AGBL1: variants seen among roughly 807,000 people sequenced by gnomAD.
The protein encoded by AGBL1 is cytosolic carboxypeptidase 4.
A neutral mutation model predicts 118.9 loss-of-function variants in AGBL1; 130 were observed. The ratio of observed to expected loss-of-function variants is 1.09; its 90% CI spans 0.95 to 1.26. The LOEUF (loss-of-function observed/expected upper bound fraction) is 1.26. AGBL1 is among the 50% of genes most tolerant of loss of function. AGBL1 has a pLI of 0.00. For missense variants in AGBL1, 1,584 were observed against 1,298.1 expected (o/e 1.22, Z -3.38); for synonymous variants, 555 against 478.9 (o/e 1.16, Z -2.08).
chr15:86,578,237 A>G (rs28815295), intron 21 of AGBL1, among the ~76,000 whole-genome samples: 1 of 152,202 alleles, frequency 6.6e-6, no homozygotes, highest in Admixed American at 6.5e-5. Flanking sequence ...GAGTCAAAGG[A>G]GATCATTTTG....
At chr15:86,337,331 T>C (rs1313538309) in intron 17 of AGBL1, among the ~76,000 whole-genome samples, 1 of 150,724 alleles carries the variant, frequency 6.6e-6, no homozygotes, top group East Asian at 1.9e-4. Context: ...TTTATATTAG[T>C]TCTAGAAAAG....
intron 1 of AGBL1, among the ~76,000 whole-genome samples, chr15:86,117,483 A>T (rs1897836911): frequency 6.6e-6 from 1 of 152,162 alleles, no homozygotes; most frequent in South Asian, 2.1e-4. Flanking sequence ...TGTAACTTCT[A>T]TGACCTAGAT....
At chr15:86,457,467 G>A (rs1210445329) in intron 18 of AGBL1, among the ~76,000 whole-genome samples, 1 of 152,196 alleles carries the variant, frequency 6.6e-6, no homozygotes, top group South Asian at 2.1e-4. Context: ...CAGGACATCC[G>A]GAGAATACTT....
At chr15:86,633,865 G>GTATATATATATATATAATGTA (rs199562622) in intron 21 of AGBL1, among the ~76,000 whole-genome samples, 1 of 102,940 alleles carries the variant, frequency 9.7e-6, no homozygotes, top group African/African-American at 4.2e-5. Flanking sequence ...TATATATAAT[G>GTATATATATATATATAATGTA]TATATATATA....
At chr15:86,425,562 G>C (rs2081856854) in intron 18 of AGBL1, among the ~76,000 whole-genome samples, 1 of 151,962 alleles carries the variant, frequency 6.6e-6, no homozygotes, top group Non-Finnish European at 1.5e-5. Flanking sequence ...CAAAATTCCA[G>C]ACTATTAATA....
At chr15:86,588,688 C>T (rs191023245) in intron 21 of AGBL1, among the ~76,000 whole-genome samples, 74 of 152,228 alleles carry the variant, frequency 4.9e-4, no homozygotes, top group Admixed American at 1.3e-3. Context: ...AGTTTGACTC[C>T]GGAATCTTCT....
At chr15:86,310,081 T>G (rs2079897578) in intron 17 of AGBL1, among the ~76,000 whole-genome samples, 1 of 152,210 alleles carries the variant, frequency 6.6e-6, no homozygotes, top group Non-Finnish European at 1.5e-5. Context: ...TGGGAGTTTT[T>G]TGATTACAGA....
intron 21 of AGBL1, among the ~76,000 whole-genome samples, chr15:86,565,380 G>T (rs925180148): frequency 2.0e-5 from 3 of 152,230 alleles, no homozygotes; most frequent in Non-Finnish European, 4.4e-5. Flanking sequence ...GTCTGTTGCG[G>T]TTTGCTGGAC....
intron 22 of AGBL1, among the ~76,000 whole-genome samples, chr15:86,740,851 A>G (rs183921836): frequency 6.6e-6 from 1 of 152,316 alleles, no homozygotes; most frequent in Non-Finnish European, 1.5e-5. Flanking sequence ...AAGAAAATAC[A>G]GCCAAATTTT....
intron 18 of AGBL1, among the ~76,000 whole-genome samples, chr15:86,462,365 G>T (rs753786513): frequency 6.6e-6 from 1 of 151,980 alleles, no homozygotes. Flanking sequence ...TATTTAAGTT[G>T]TTCGCTGACT....
chr15:86,870,358 A>G (rs2079703357), intron 22 of AGBL1, among the ~76,000 whole-genome samples: 1 of 150,968 alleles, frequency 6.6e-6, no homozygotes, highest in Admixed American at 6.6e-5. Context: ...TCAGGATTTA[A>G]GCTTTTCCAT....
chr15:86,384,860 T>C (rs545875619), intron 17 of AGBL1, among the ~76,000 whole-genome samples: 9 of 152,140 alleles, frequency 5.9e-5, no homozygotes, highest in Non-Finnish European at 1.3e-4. Context: ...AATTGGATAG[T>C]TTTGTGAGAA....
intron 17 of AGBL1, among the ~76,000 whole-genome samples, chr15:86,338,674 G>A (rs953519578): frequency 2.0e-5 from 3 of 152,092 alleles, no homozygotes; most frequent in Non-Finnish European, 1.5e-5. Flanking sequence ...GACAAAGGAC[G>A]TGCAAGAAAG....
chr15:86,887,475 A>G (rs1347386539), intron 22 of AGBL1, among the ~76,000 whole-genome samples: 1 of 152,192 alleles, frequency 6.6e-6, no homozygotes, highest in Non-Finnish European at 1.5e-5. Flanking sequence ...GTATTGTTTA[A>G]GCATCTCTCT....
intron 22 of AGBL1, among the ~76,000 whole-genome samples, chr15:86,723,636 C>T (rs1022421999): frequency 4.0e-5 from 6 of 151,754 alleles, no homozygotes; most frequent in African/African-American, 1.5e-4. Context: ...GCACATGTAC[C>T]CTAAAACTTA....
intron 17 of AGBL1, among the ~76,000 whole-genome samples, chr15:86,387,924 G>A (rs1442643577): frequency 6.6e-6 from 1 of 152,192 alleles, no homozygotes; most frequent in Non-Finnish European, 1.5e-5. Context: ...CACATGTCAG[G>A]TTTTGGGGAA....
At chr15:86,530,188 A>T (rs1218007246) in intron 19 of AGBL1, among the ~76,000 whole-genome samples, 4 of 141,908 alleles carry the variant, frequency 2.8e-5, no homozygotes, top group African/African-American at 6.2e-5. Flanking sequence ...GTCAAGACCC[A>T]TCAGTGTGGT....
At chr15:86,410,948 T>TAG (rs1018582329) in intron 18 of AGBL1, among the ~76,000 whole-genome samples, 5 of 128,594 alleles carry the variant, frequency 3.9e-5, no homozygotes, top group East Asian at 2.2e-4. Flanking sequence ...ATTATATATA[T>TAG]ATAGAGAGAG....
intron 24 of AGBL1, among the ~76,000 whole-genome samples, chr15:86,995,239 T>C (rs1394563078): frequency 6.6e-6 from 1 of 152,022 alleles, no homozygotes; most frequent in African/African-American, 2.4e-5. Flanking sequence ...ATTTAAAAAT[T>C]AGCCGAACTT....
Sources: gnomAD v4.1 joint callset for allele counts (sites outside exome capture counted in the v4.1 genomes callset) on GRCh38, gnomAD v4.1.1 for gene constraint, MANE v1.5 for transcripts, NCBI Gene and HGNC (gene_info 2026-07-23, HGNC 2026-07-21) for gene names.